The following PSMB1 variants were observed in gnomAD, a reference collection of about 807,000 sequenced individuals.
PSMB1 encodes the protein proteasome subunit beta type-1.
In PSMB1, 7 loss-of-function variants were observed where a neutral mutation model predicts 25.4. That is an observed-to-expected ratio of 0.28 (90% CI 0.16 to 0.52). The LOEUF is 0.52. PSMB1 is among the 20% of genes least tolerant of loss of function. PSMB1 has a pLI of 0.97. For missense variants in PSMB1, 284 were observed against 302.2 expected (o/e 0.94, Z 0.45); for synonymous variants, 119 against 115.0 (o/e 1.03, Z -0.22).
At chr6:170,542,722 G>C (rs1392121233) in intron 4 of PSMB1, among the ~76,000 whole-genome samples, 1 of 152,134 alleles carries the variant, frequency 6.6e-6, no homozygotes, top group Non-Finnish European at 1.5e-5. Flanking sequence ...AACTAGGTTC[G>C]GGGCAGTCCC....
rs1285821955 is a variant in PSMB1 at position 170,535,212 on chromosome 6, C to A, written c.*8G>T. On this transcript the variant is annotated 3_prime_UTR_variant, in exon 6 of 6. Coordinates refer to ENST00000262193, the MANE Select transcript of PSMB1 (RefSeq NM_002793.4). ...GGTCTGAACTGATTGGTGATAAGAG[C>A]ACACAGATCAGTCCTTCCTTAAGGA... 17 of 1,612,532 alleles carry A rather than the reference C, an allele frequency of 1.1e-5. No individual in the cohort carries two copies. The highest frequency in any genetic ancestry group is 2.2e-5 in the East Asian group (1 of 44,876).
chr6:170,543,049 T>C (rs1030934403), intron 4 of PSMB1, among the ~76,000 whole-genome samples: 1 of 152,134 alleles, frequency 6.6e-6, no homozygotes, highest in South Asian at 2.1e-4. Flanking sequence ...ATGGAAAACA[T>C]TGGTGCCCAT....
intron 4 of PSMB1, among the ~76,000 whole-genome samples, chr6:170,543,103 A>C (rs1778775465): frequency 6.6e-6 from 1 of 152,198 alleles, no homozygotes. Context: ...TGGAATATTA[A>C]GTAACAAGAC....
chr6:170,548,407 G>A (rs1778849761), intron 2 of PSMB1, among the ~76,000 whole-genome samples: 1 of 151,714 alleles, frequency 6.6e-6, no homozygotes, highest in Non-Finnish European at 1.5e-5. Context: ...TTAAGTTTTG[G>A]CTTTATTTTC....
Position 170,544,351 on chromosome 6 carries a change from G to A in PSMB1, c.304-621C>T, listed in dbSNP as rs143743156. On this transcript the variant is annotated intron_variant, in intron 3 of 5. Transcript: ENST00000262193. ...ATGATTTTAATACACAGCAGTGGTCGTGATCCTTAAAACATCTACAGTAGA... is the reference window on the plus strand; with the variant it reads ...ATGATTTTAATACACAGCAGTGGTCATGATCCTTAAAACATCTACAGTAGA... 4.6e-3 allele frequency among the ~76,000 whole-genome samples: 693 copies of A among 152,246 alleles called. 6 individuals are homozygous for A. Among genetic ancestry groups the A allele is most frequent in the African/African-American group, 0.015 (644 of 41,556 alleles).
chr6:170,543,585 AAAG>A lies in PSMB1; in HGVS notation c.433+13_433+15del. 3 of 1,595,950 alleles carry A rather than the reference AAAG, an allele frequency of 1.9e-6. No homozygotes were observed. Among genetic ancestry groups the A allele is most frequent in the Non-Finnish European group, 2.6e-6 (3 of 1,167,792 alleles). The stretch of plus-strand genomic sequence containing the variant: ...ACTCCTCCCCCCCACCATTTTCCAG[AAAG>A]AAGGAATTCTACCTTCTTCATCAAG... On this transcript the variant is annotated intron_variant, in intron 4 of 5. Transcript: ENST00000262193.
chr6:170,536,215 C>T (rs1033988945), intron 5 of PSMB1: 4 of 340,562 alleles, frequency 1.2e-5, no homozygotes, highest in African/African-American at 2.2e-5. Flanking sequence ...GCCAAGTAGC[C>T]TAAAAATACC....
At chr6:170,541,009 A>G (rs1291709564) in intron 4 of PSMB1, among the ~76,000 whole-genome samples, 3 of 152,214 alleles carry the variant, frequency 2.0e-5, no homozygotes, top group African/African-American at 7.2e-5. Context: ...ACATCACTAT[A>G]CAATTTCAGA....
At chr6:170,545,964 T>C in intron 3 of PSMB1, 139 bp downstream of exon 3, 1 of 685,822 alleles carries the variant, frequency 1.5e-6, no homozygotes, top group Non-Finnish European at 2.5e-6. Context: ...TATCATTTCA[T>C]TTCTAGCATA....
At chr6:170,540,227 C>T (rs543275683) in intron 4 of PSMB1, among the ~76,000 whole-genome samples, 4 of 152,300 alleles carry the variant, frequency 2.6e-5, no homozygotes, top group South Asian at 2.1e-4. Context: ...CAGGTCCCTG[C>T]ATCCACCAAC....
intron 1 of PSMB1, among the ~76,000 whole-genome samples, chr6:170,551,599 CTTAT>C (rs200124159): frequency 0.019 from 2,931 of 152,218 alleles, 94 homozygotes; most frequent in African/African-American, 0.067. Flanking sequence ...ACTGAAAATT[CTTAT>C]TTATAGAGAA....
In PSMB1 at chr6:170,535,317, G is replaced by C. The variant is rs1229169498; in HGVS notation, c.629C>G (p.Ala210Gly). ...CCCAGTGTACACATCTCTCTCAGCC[G>C]CAGAAATGAAGACATCTTTCACCAG... ...MRLVKDVFIS[A>G]AERDVYTGDA... The change falls in exon 6 of 6, where the codon GCG (alanine) becomes GGG (glycine). Residue 210 changes from alanine to glycine, a missense_variant. By Grantham distance (60) the Ala-to-Gly change is moderately conservative. Transcript: ENST00000262193. The C allele has an allele frequency of 6.2e-7, 1 of 1,613,950 alleles. No individual in the cohort carries two copies. Among genetic ancestry groups the C allele is most frequent in the African/African-American group, 1.3e-5 (1 of 75,018 alleles).
intron 1 of PSMB1, 117 bp downstream of exon 1, chr6:170,553,013 A>G: frequency 1.2e-6 from 1 of 824,938 alleles, no homozygotes; most frequent in Non-Finnish European, 1.9e-6. Context: ...CCCTCAGCTC[A>G]GGGTTCTGAG....
intron 4 of PSMB1, among the ~76,000 whole-genome samples, chr6:170,539,995 C>A (rs1778737618): frequency 6.6e-6 from 1 of 152,134 alleles, no homozygotes; most frequent in South Asian, 2.1e-4. Flanking sequence ...ATACCAAAGT[C>A]CTACTTACAT....
chr6:170,543,704 G>A lies in PSMB1; in HGVS notation c.330C>T (p.Ala110=). 4 of 1,610,258 alleles carry A rather than the reference G, an allele frequency of 2.5e-6. No individual in the cohort carries two copies. Among genetic ancestry groups the A allele is most frequent in the Non-Finnish European group, 3.4e-6 (4 of 1,177,890 alleles). Residue 110 remains alanine, a synonymous_variant, in exon 4 of 6, where the codon GCC becomes GCT. Transcript: ENST00000262193. The stretch of plus-strand genomic sequence containing the variant: ...TTGCAGCAATTGCCCCCGTAGTCAT[G>A]GCCTTATTATTGGAATGCTTATACA... ...LKMYKHSNNK[A]MTTGAIAAML...
At position 170,535,288 on chromosome 6, in the gene PSMB1, C is replaced by T. The variant is rs1778676283; in HGVS notation, c.658G>A (p.Ala220Thr). 8.1e-6 allele frequency: 13 copies of T among 1,614,024 alleles called. No homozygotes were observed. Among genetic ancestry groups the T allele is most frequent in the South Asian group, 4.4e-5 (4 of 91,090 alleles). Residue 220 changes from alanine (A) to threonine (T), a missense_variant, in exon 6 of 6, where the codon GCA becomes ACA. Physicochemically the swap from Ala to Thr is moderately conservative, Grantham distance 58. Coordinates refer to ENST00000262193, the MANE Select transcript of PSMB1 (RefSeq NM_002793.4). ...TTGGTCACTATGCAGATCCGGAGTG[C>T]GTCCCCAGTGTACACATCTCTCTCA... ...AAERDVYTGD[A>T]LRICIVTKEG...
chr6:170,540,016 G>A (rs1223826952), intron 4 of PSMB1, among the ~76,000 whole-genome samples: 1 of 152,188 alleles, frequency 6.6e-6, no homozygotes, highest in Admixed American at 6.5e-5. Flanking sequence ...AAAACTGCAT[G>A]AGTGTATGTA....
intron 3 of PSMB1, 149 bp downstream of exon 3, chr6:170,545,954 T>C (rs1299921497): frequency 4.6e-6 from 3 of 653,472 alleles, no homozygotes; most frequent in Middle Eastern, 4.2e-4. Flanking sequence ...GCATTAATGA[T>C]ATCATTTCAT....
chr6:170,543,558 T>C (rs1272302139), intron 4 of PSMB1, 43 bp downstream of exon 4: 26 of 1,537,942 alleles, frequency 1.7e-5, no homozygotes, highest in African/African-American at 2.8e-5. Context: ...TAGGGAATAA[T>C]AACTCCTCCC....
Sources: gnomAD v4.1 joint callset for allele counts (sites outside exome capture counted in the v4.1 genomes callset) on GRCh38, gnomAD v4.1.1 for gene constraint, MANE v1.5 for transcripts, NCBI Gene and HGNC (gene_info 2026-07-23, HGNC 2026-07-21) for gene names.